Variants in PAPPA observed in about 807,000 individuals in gnomAD.
PAPPA encodes the protein pappalysin 1, also known as pappalysin-1.
In PAPPA, 60 loss-of-function variants were observed where a neutral mutation model predicts 164.0. That is an observed-to-expected ratio of 0.37 (90% confidence interval 0.30 to 0.45). The LOEUF is 0.45. Ranked by LOEUF, PAPPA falls within the 20% of genes least tolerant of loss-of-function variation. PAPPA has a pLI of 1.00. For synonymous variants in PAPPA, 875 were observed against 814.1 expected (o/e 1.07, Z -1.27); for missense variants, 1,782 against 2,087.3 (o/e 0.85, Z 2.85).
chr9:116,383,519 T>G (rs116814116), intron 21 of PAPPA, among the ~76,000 whole-genome samples: 3,215 of 132,530 alleles, frequency 0.024, 61 homozygotes, highest in African/African-American at 0.048. Flanking sequence ...TTGTCCCAGG[T>G]GACAAAGTGA....
Position 116,399,112 on chromosome 9 carries a change from C to T in PAPPA, c.*2496C>T, listed in dbSNP as rs548954812. ...CCACAGAAGAACCTTACCAGCTTCC[C>T]TCAAATCAGTCCTTATCCTCTTTCT... On this transcript the variant is annotated 3_prime_UTR_variant, in exon 22 of 22. Coordinates refer to ENST00000328252, the MANE Select transcript of PAPPA (RefSeq NM_002581.5). 6.0e-6 allele frequency: 1 copy of T among 166,040 alleles called. No individual in the cohort carries two copies. Among genetic ancestry groups the T allele is most frequent in the Non-Finnish European group, 1.3e-5 (1 of 77,144 alleles). 10.3% of individuals were successfully genotyped at this position (166,040 alleles called of 1,614,324 possible).
intron 5 of PAPPA, among the ~76,000 whole-genome samples, chr9:116,225,675 TAG>T (rs1322016104): frequency 1.3e-5 from 2 of 152,198 alleles, no homozygotes; most frequent in African/African-American, 4.8e-5. Flanking sequence ...ATATTAATAT[TAG>T]TGTGCTTGCA....
At chr9:116,261,912 T>TTGTTTTGTTTA (rs1554745037) in intron 7 of PAPPA, among the ~76,000 whole-genome samples, 15 of 149,860 alleles carry the variant, frequency 1.0e-4, no homozygotes, top group Admixed American at 2.7e-4. Flanking sequence ...TTGTTTTGTT[T>TTGTTTTGTTTA]AAAAAAAAAA....
chr9:116,160,647 G>T (rs1425958298), intron 1 of PAPPA, among the ~76,000 whole-genome samples: 1 of 152,162 alleles, frequency 6.6e-6, no homozygotes, highest in Non-Finnish European at 1.5e-5. Context: ...TCTACCTGTG[G>T]CTGAGGGCTC....
intron 5 of PAPPA, 47 bp downstream of exon 5, chr9:116,220,176 A>G: frequency 7.0e-7 from 1 of 1,425,160 alleles, no homozygotes; most frequent in Admixed American, 1.9e-5. Flanking sequence ...CTCTCCTGCC[A>G]AGAAGAAGGA....
chr9:116,319,197 G>T (rs991214697), intron 10 of PAPPA, among the ~76,000 whole-genome samples: 5 of 152,220 alleles, frequency 3.3e-5, no homozygotes, highest in African/African-American at 1.2e-4. Context: ...CGGAGGGCCC[G>T]TGTGAAATGA....
intron 7 of PAPPA, among the ~76,000 whole-genome samples, chr9:116,254,548 C>T (rs1415783696): frequency 1.3e-5 from 2 of 152,100 alleles, no homozygotes; most frequent in South Asian, 2.1e-4. Context: ...TTTGGGAGGC[C>T]AGGGTGGGCG....
At chr9:116,231,403 C>T (rs529875997) in intron 6 of PAPPA, among the ~76,000 whole-genome samples, 78 of 152,086 alleles carry the variant, frequency 5.1e-4, no homozygotes, top group Non-Finnish European at 4.3e-4. Flanking sequence ...CCTTACCTTC[C>T]GACTACATGT....
At chr9:116,190,742 C>T (rs1181279874) in intron 2 of PAPPA, among the ~76,000 whole-genome samples, 1 of 152,202 alleles carries the variant, frequency 6.6e-6, no homozygotes, top group African/African-American at 2.4e-5. Flanking sequence ...ACAGCACTGG[C>T]AGGTTCCAAA....
At position 116,399,039 on chromosome 9, in the gene PAPPA, AG is replaced by A. The variant is rs1459810847; in HGVS notation, c.*2424del. ...AATTATACCCATAGGTAATACAAAA[AG>A]CTCTGAAGACCCAAAGATGACATTA... On this transcript the variant is annotated 3_prime_UTR_variant, in exon 22 of 22. Transcript: ENST00000328252. The A allele has an allele frequency of 5.4e-6, 1 of 183,900 alleles. No homozygotes were observed. Among genetic ancestry groups the A allele is most frequent in the Non-Finnish European group, 1.1e-5 (1 of 88,014 alleles). The allele number at this position is 183,900 out of a possible 1,614,324, so 11.4% of individuals were successfully genotyped here.
At position 116,220,312 on chromosome 9, in the gene PAPPA, G is replaced by T. The variant is rs565654036; in HGVS notation, c.2111+183G>T. On this transcript the variant is annotated intron_variant, in intron 5 of 21. Coordinates refer to ENST00000328252, the MANE Select transcript of PAPPA (RefSeq NM_002581.5). Reference sequence around the variant, plus strand: ...GGGAATAAATAAATGGTCATTAATAGAAACAAATAAATAACAATAAATATT... The same window carrying T: ...GGGAATAAATAAATGGTCATTAATATAAACAAATAAATAACAATAAATATT... Among the ~76,000 whole-genome samples, 9 of 152,202 alleles carry T rather than the reference G, an allele frequency of 5.9e-5. No homozygotes were observed. In the South Asian group the frequency reaches 1.0e-3, roughly 18 times the overall value.
chr9:116,265,815 A>G, intron 7 of PAPPA, 42 bp from the exon 8 acceptor site: 2 of 1,529,612 alleles, frequency 1.3e-6, no homozygotes, highest in Non-Finnish European at 1.8e-6. Context: ...TTGTCTGCCC[A>G]GTATTGTAAT....
intron 9 of PAPPA, among the ~76,000 whole-genome samples, chr9:116,290,363 ATC>A (rs1845420850): frequency 1.5e-5 from 1 of 67,714 alleles, no homozygotes. Context: ...ATGTTTCTCC[ATC>A]TTTTTTTTTT....
chr9:116,211,776 A>G lies in PAPPA; in HGVS notation c.1762A>G (p.Met588Val). 1 of 1,614,158 alleles carries G rather than the reference A, an allele frequency of 6.2e-7. No homozygotes were observed. The highest frequency in any genetic ancestry group is 1.7e-4 in the Middle Eastern group (1 of 6,060). The change falls in exon 4 of 22, where the codon ATG becomes GTG. Residue 588 changes from methionine to valine, a missense_variant. Met to Val is a conservative substitution (Grantham distance 21, BLOSUM62 1). Coordinates refer to ENST00000328252, the MANE Select transcript of PAPPA (RefSeq NM_002581.5). The part of the protein sequence containing the change: ...SEIQSCSDPC[M>V]ETEPSFETGD... ...AATCCAGTCCTGCAGTGACCCCTGC[A>G]TGGAGACAGAGCCCTCCTTCGAGAC...
At chr9:116,210,869 T>G (rs967422925) in intron 3 of PAPPA, among the ~76,000 whole-genome samples, 56 of 152,326 alleles carry the variant, frequency 3.7e-4, no homozygotes, top group African/African-American at 1.3e-3. Context: ...GTGATGTACT[T>G]GATGTATGGA....
intron 7 of PAPPA, among the ~76,000 whole-genome samples, chr9:116,238,469 C>T (rs545076780): frequency 6.6e-6 from 1 of 152,314 alleles, no homozygotes; most frequent in East Asian, 1.9e-4. Context: ...GTAATGAGAA[C>T]ATTCTATATG....
chr9:116,325,904 T>C (rs7039432), intron 10 of PAPPA, among the ~76,000 whole-genome samples: 4,435 of 152,300 alleles, frequency 0.029, 259 homozygotes, highest in East Asian at 0.28. Context: ...GGCTGTATAT[T>C]GCCGTGCAAG....
At chr9:116,208,883 T>A (rs923457472) in intron 3 of PAPPA, among the ~76,000 whole-genome samples, 1 of 152,144 alleles carries the variant, frequency 6.6e-6, no homozygotes, top group Non-Finnish European at 1.5e-5. Flanking sequence ...TAAAGATAGA[T>A]ACAAAGATAA....
chr9:116,241,912 C>T (rs546406968), intron 7 of PAPPA, among the ~76,000 whole-genome samples: 2 of 152,114 alleles, frequency 1.3e-5, no homozygotes, highest in South Asian at 4.2e-4. Context: ...TAGCTCTTTC[C>T]GTTTCTCACC....
Sources: allele counts gnomAD v4.1 joint callset (sites outside exome capture counted in the v4.1 genomes callset), GRCh38; gene constraint gnomAD v4.1.1; transcripts MANE v1.5; gene names NCBI Gene and HGNC (gene_info 2026-07-23, HGNC 2026-07-21).